The following PDE11A variants were observed in gnomAD, a reference collection of about 807,000 sequenced individuals.
PDE11A encodes the protein phosphodiesterase 11A, also known as dual 3',5'-cyclic-AMP and -GMP phosphodiesterase 11A.
A neutral mutation model predicts 100.5 loss-of-function variants in PDE11A; 100 were observed. The ratio of observed to expected loss-of-function variants is 1.00; its 90% CI spans 0.85 to 1.18. PDE11A has a LOEUF of 1.18. Among genes scored for constraint, PDE11A ranks in the 50% most tolerant of loss-of-function variants. The pLI is 0.00. For missense variants in PDE11A, 1,141 were observed against 1,152.6 expected (o/e 0.99, Z 0.15); for synonymous variants, 381 against 420.8 (o/e 0.91, Z 1.16).
At chr2:177,964,377 T>C (rs1181139082) in intron 2 of PDE11A, among the ~76,000 whole-genome samples, 4 of 152,056 alleles carry the variant, frequency 2.6e-5, no homozygotes, top group Non-Finnish European at 5.9e-5. Flanking sequence ...TCTATTTCTA[T>C]TTTTTTTCTT....
intron 2 of PDE11A, among the ~76,000 whole-genome samples, chr2:177,915,528 C>A (rs2084940212): frequency 6.6e-6 from 1 of 152,130 alleles, no homozygotes; most frequent in Admixed American, 6.5e-5. Context: ...CTTAATAGTT[C>A]ATTTCTTTTT....
intron 5 of PDE11A, among the ~76,000 whole-genome samples, chr2:177,868,299 T>C (rs2084064183): frequency 6.6e-6 from 1 of 152,078 alleles, no homozygotes; most frequent in Non-Finnish European, 1.5e-5. Flanking sequence ...TTGAGGTATA[T>C]GTACTCTCTG....
intron 2 of PDE11A, among the ~76,000 whole-genome samples, chr2:177,931,284 A>T (rs1172678594): frequency 6.6e-6 from 1 of 152,240 alleles, no homozygotes; most frequent in East Asian, 1.9e-4. Context: ...ATTTATCATG[A>T]ACAACATGTT....
chr2:177,771,792 G>A (rs1483314811), intron 9 of PDE11A, among the ~76,000 whole-genome samples: 2 of 151,902 alleles, frequency 1.3e-5, no homozygotes, highest in African/African-American at 4.8e-5. Context: ...CACCTGAGGT[G>A]AGGAGTTCAA....
intron 2 of PDE11A, among the ~76,000 whole-genome samples, chr2:177,954,151 CCT>C (rs1285700653): frequency 6.6e-6 from 1 of 151,778 alleles, no homozygotes; most frequent in African/African-American, 2.4e-5. Context: ...ATAATGCTTC[CCT>C]GTTTCCTTTG....
intron 4 of PDE11A, among the ~76,000 whole-genome samples, chr2:177,876,570 A>G (rs2084244772): frequency 1.3e-5 from 2 of 148,538 alleles, no homozygotes; most frequent in Admixed American, 1.3e-4. Flanking sequence ...ATTAGCTAAT[A>G]TTGAGTTTAC....
At chr2:178,083,362 G>A (rs866023773) in intron 2 of PDE11A, among the ~76,000 whole-genome samples, 2 of 152,278 alleles carry the variant, frequency 1.3e-5, no homozygotes, top group South Asian at 4.1e-4. Context: ...GCCTCTCAAA[G>A]TGCTGGGATC....
intron 1 of PDE11A, among the ~76,000 whole-genome samples, chr2:178,040,316 A>C (rs2086668247): frequency 6.6e-6 from 1 of 152,178 alleles, no homozygotes; most frequent in Non-Finnish European, 1.5e-5. Flanking sequence ...TCGGCTTCCC[A>C]AAGTGCTAGG....
chr2:177,839,744 T>G (rs34596457), intron 6 of PDE11A, among the ~76,000 whole-genome samples: 16,087 of 152,172 alleles, frequency 0.11, 1,111 homozygotes, highest in African/African-American at 0.2. Context: ...AGTATATATA[T>G]AGAGAGTACA....
At chr2:177,964,374 C>G (rs10202989) in intron 2 of PDE11A, among the ~76,000 whole-genome samples, 9,563 of 152,150 alleles carry the variant, frequency 0.063, 313 homozygotes, top group South Asian at 0.094. Context: ...AACTCTATTT[C>G]TATTTTTTTT....
chr2:178,052,956 T>G lies in PDE11A; in HGVS notation c.912+18570A>C, dbSNP rs1381487159. ...AGGTACAAAGAGGAGCTGGTACCAT[T>G]CCTTCTGAAACTATTCCAATCAATA... On this transcript the variant is annotated intron_variant, in intron 1 of 19. Coordinates refer to ENST00000286063, the MANE Select transcript of PDE11A (RefSeq NM_016953.4). Among the ~76,000 whole-genome samples, 7 of 152,282 alleles carry G rather than the reference T, an allele frequency of 4.6e-5. No homozygotes were observed. The East Asian group carries it at 1.3e-3, about 29-fold the overall frequency.
At chr2:177,822,629 A>G (rs1184013015) in intron 6 of PDE11A, among the ~76,000 whole-genome samples, 2 of 152,078 alleles carry the variant, frequency 1.3e-5, no homozygotes, top group Non-Finnish European at 2.9e-5. Context: ...ACACATACAT[A>G]TACATTCCTG....
chr2:178,102,937 CATT>C (rs778005555), intron 2 of PDE11A, among the ~76,000 whole-genome samples: 7 of 151,954 alleles, frequency 4.6e-5, no homozygotes, highest in South Asian at 2.1e-4. Flanking sequence ...TGATTGGTGT[CATT>C]ATGAGAAAAT....
intron 12 of PDE11A, chr2:177,723,319 T>G (rs2105441918): frequency 6.6e-6 from 1 of 152,276 alleles, no homozygotes; most frequent in Middle Eastern, 3.4e-3. Context: ...AATATGGATT[T>G]AAACACGCTA....
chr2:178,096,169 C>CCTTTTTTTTT (rs2087486755), intron 2 of PDE11A, among the ~76,000 whole-genome samples: 1 of 120,110 alleles, frequency 8.3e-6, no homozygotes, highest in Non-Finnish European at 1.8e-5. Context: ...CTTTTCTTTT[C>CCTTTTTTTTT]TTTTTTTTTT....
At chr2:177,646,583 C>A (rs16865498) in intron 19 of PDE11A, among the ~76,000 whole-genome samples, 10,120 of 152,244 alleles carry the variant, frequency 0.066, 932 homozygotes, top group African/African-American at 0.21. Context: ...GGCTGAGTAC[C>A]AGGCTCATGG....
chr2:178,089,863 T>C (rs1378935539), intron 2 of PDE11A, among the ~76,000 whole-genome samples: 1 of 152,316 alleles, frequency 6.6e-6, no homozygotes, highest in East Asian at 1.9e-4. Flanking sequence ...CAAAGCTGGA[T>C]GATAGGAATG....
At chr2:177,931,412 C>T (rs2085204056) in intron 2 of PDE11A, among the ~76,000 whole-genome samples, 1 of 152,058 alleles carries the variant, frequency 6.6e-6, no homozygotes. Flanking sequence ...CAGCAAGTCT[C>T]AATACATTCA....
chr2:178,067,149 T>G (rs1448663766), intron 1 of PDE11A, among the ~76,000 whole-genome samples: 1 of 152,156 alleles, frequency 6.6e-6, no homozygotes, highest in African/African-American at 2.4e-5. Flanking sequence ...CCATTCCCAC[T>G]GTTCATGCTT....
Sources: allele counts gnomAD v4.1 joint callset (sites outside exome capture counted in the v4.1 genomes callset), GRCh38; gene constraint gnomAD v4.1.1; transcripts MANE v1.5; gene names NCBI Gene and HGNC (gene_info 2026-07-23, HGNC 2026-07-21).